Variants in PCSK7 observed in about 807,000 individuals in gnomAD.
The protein encoded by PCSK7 is lymphoma proprotein convertase.
In PCSK7, 38 loss-of-function variants were observed where a neutral mutation model predicts 73.3. The ratio of observed to expected loss-of-function variants is 0.52; its 90% CI spans 0.40 to 0.68. The LOEUF (loss-of-function observed/expected upper bound fraction) is 0.68. Ranked by LOEUF, PCSK7 falls within the 30% of genes least tolerant of loss-of-function variation. The pLI is 0.00. For missense variants in PCSK7, 692 were observed against 991.5 expected (o/e 0.70, Z 4.06); for synonymous variants, 296 against 383.8 (o/e 0.77, Z 2.68).
Position 117,229,473 on chromosome 11 carries a change from A to T in PCSK7, c.372T>A (p.His124Gln). The T allele has an allele frequency of 6.2e-7, 1 of 1,611,786 alleles. No individual in the cohort carries two copies. Among genetic ancestry groups the T allele is most frequent in the Non-Finnish European group, 8.5e-7 (1 of 1,180,016 alleles). Residue 124 changes from histidine (H) to glutamine (Q), a missense_variant, in exon 3 of 17, where the codon CAT becomes CAA. His to Gln is a conservative substitution (Grantham distance 24, BLOSUM62 0). Transcript: ENST00000320934. ...RQQVEAVLAG[H>Q]EAVRWHSEQR... ...GCTCTGAGTGCCAGCGCACAGCTTC[A>T]TGCCCAGCCAACACAGCCTCCACCT...
At chr11:117,228,612 CTTTT>C (rs751494008) in intron 3 of PCSK7, among the ~76,000 whole-genome samples, 1 of 132,084 alleles carries the variant, frequency 7.6e-6, no homozygotes. Flanking sequence ...TGATACACTT[CTTTT>C]TTTTTTTTTT....
chr11:117,208,544 C>T (rs34511967), intron 13 of PCSK7: 36,413 of 274,150 alleles, frequency 0.13, 27 homozygotes, highest in Middle Eastern at 0.18. Flanking sequence ...GAGACAGGGT[C>T]TCACTTTGTT....
intron 3 of PCSK7, among the ~76,000 whole-genome samples, chr11:117,228,615 T>C (rs1488570179): frequency 4.2e-5 from 6 of 143,592 alleles, no homozygotes; most frequent in Non-Finnish European, 9.0e-5. Context: ...TACACTTCTT[T>C]TTTTTTTTTT....
At chr11:117,228,618 T>TC (rs1275718305) in intron 3 of PCSK7, among the ~76,000 whole-genome samples, 1 of 150,244 alleles carries the variant, frequency 6.7e-6, no homozygotes, top group Non-Finnish European at 1.5e-5. Context: ...ACTTCTTTTT[T>TC]TTTTTTTTTT....
At chr11:117,228,026 GTTC>G (rs2032498158) in intron 4 of PCSK7, among the ~76,000 whole-genome samples, 187 bp downstream of exon 4, 1 of 152,208 alleles carries the variant, frequency 6.6e-6, no homozygotes, top group Admixed American at 6.5e-5. Flanking sequence ...GAGCAGGATT[GTTC>G]TTAGAGTTAG....
rs972372617 is a variant in PCSK7, at chr11:117,218,910, C to G, written c.1431+147G>C. The G allele has an allele frequency of 1.0e-5, 6 of 599,990 alleles. No homozygotes were observed. The Admixed American group carries it at 1.5e-4, about 15-fold the overall frequency. The allele number at this position is 599,990 out of a possible 1,614,324, so 37.2% of individuals were successfully genotyped here. ...GCTTTCTCATTTGTAAAATGGATAT[C>G]AGCTGGGATGAAGGTTGAAGTTGTT... On this transcript the variant is annotated intron_variant, in intron 11 of 16. Coordinates refer to ENST00000320934, the MANE Select transcript of PCSK7 (RefSeq NM_004716.4). The surrounding 1 kb of genome is among the most constrained non-coding windows in gnomAD (Gnocchi z 4.0).
Position 117,222,125 on chromosome 11 carries a change from A to C in PCSK7, c.1155+1083T>G, listed in dbSNP as rs554440316. 7 of 152,260 alleles carry C rather than the reference A, an allele frequency of 4.6e-5. No homozygotes were observed. In the South Asian group the frequency reaches 1.5e-3, roughly 32 times the overall value. The allele number at this position is 152,260 out of a possible 1,614,324, so 9.4% of individuals were successfully genotyped here. A position where few individuals can be genotyped will look rare whatever the true frequency, so the allele number is the denominator to read the frequency against. ...TCAGCCACTGGAGAAATTTGATACC[A>C]CCTGGCTCCAGCCCAGCTCCTGCCT... On this transcript the variant is annotated intron_variant, in intron 9 of 16. Coordinates refer to ENST00000320934, the MANE Select transcript of PCSK7 (RefSeq NM_004716.4).
chr11:117,224,571 A>T, intron 7 of PCSK7, 130 bp downstream of exon 7: 1 of 798,122 alleles, frequency 1.3e-6, no homozygotes, highest in Non-Finnish European at 2.2e-6. Context: ...CCCCGACGTT[A>T]GGTGTTCTCT....
intron 8 of PCSK7, chr11:117,223,851 G>C: frequency 1.8e-6 from 1 of 546,764 alleles, no homozygotes; most frequent in Non-Finnish European, 3.3e-6. Flanking sequence ...GCTGTGGTGG[G>C]GTGGAGGCAG....
intron 3 of PCSK7, 139 bp from the exon 4 acceptor site, chr11:117,228,489 A>G: frequency 1.4e-6 from 1 of 703,190 alleles, no homozygotes; most frequent in Admixed American, 2.2e-5. Context: ...TCAGGTGGGA[A>G]CAGAGTCAAG....
intron 9 of PCSK7, chr11:117,220,070 G>A (rs1289436070): frequency 4.9e-6 from 1 of 206,086 alleles, no homozygotes; most frequent in Non-Finnish European, 9.6e-6. Context: ...CTGAATCTTT[G>A]ACCAGAGAAG....
chr11:117,225,055 C>CTTTTTTT lies in PCSK7; in HGVS notation c.861-307_861-301dup, dbSNP rs571538440. On this transcript the variant is annotated intron_variant, in intron 6 of 16. Transcript: ENST00000320934. ...ATCTAGGGATCAGAGACATGTAGAC[C>CTTTTTTT]TTTTTTTTTTTTTTTTTTTCTCCTG... 1.0e-3 allele frequency: 139 copies of CTTTTTTT among 134,330 alleles called. 1 individual carries two copies. Among genetic ancestry groups the CTTTTTTT allele is most frequent in the Admixed American group, 1.8e-3 (22 of 12,238 alleles). The allele number at this position is 134,330 out of a possible 1,614,324, so 8.3% of individuals were successfully genotyped here.
At chr11:117,216,722 C>T (rs1338882008) in intron 12 of PCSK7, 1 of 152,050 alleles carries the variant, frequency 6.6e-6, no homozygotes, top group Non-Finnish European at 1.5e-5. Context: ...AGCCAGGGCA[C>T]CTGGCTCAAC....
In PCSK7 at chr11:117,218,526, C is replaced by CG; in HGVS notation, c.1473dup (p.Val492ArgfsTer80). 6.2e-7 allele frequency: 1 copy of CG among 1,610,142 alleles called. No homozygotes were observed. The highest frequency in any genetic ancestry group is 8.5e-7 in the Non-Finnish European group (1 of 1,178,062). On this transcript the variant is annotated frameshift_variant, in exon 12 of 17. Coordinates refer to ENST00000320934, the MANE Select transcript of PCSK7 (RefSeq NM_004716.4). LOFTEE classifies it high-confidence loss of function. This position sits in a 1 kb window ranked among gnomAD's most constrained non-coding sequence, Gnocchi z 4.0. The stretch of plus-strand genomic sequence containing the variant: ...GGAATCGCCTTGTTTTCTTTTAACA[C>CG]GGGACTGACGTAGGATGCTAAGTAA...
intron 9 of PCSK7, chr11:117,221,805 G>T (rs1447331728): frequency 6.6e-6 from 1 of 152,288 alleles, no homozygotes; most frequent in Non-Finnish European, 1.5e-5. Flanking sequence ...CTGCTAGAGG[G>T]TGGAGTTTGG....
At chr11:117,223,986 A>G in intron 8 of PCSK7, 92 bp downstream of exon 8, 1 of 1,320,168 alleles carries the variant, frequency 7.6e-7, no homozygotes, top group Non-Finnish European at 1.1e-6. Flanking sequence ...GTGCTCACAC[A>G]TTTAGACACA....
intron 9 of PCSK7, chr11:117,220,232 T>G (rs1459632579): frequency 6.6e-6 from 1 of 152,380 alleles, no homozygotes; most frequent in Non-Finnish European, 1.5e-5. Flanking sequence ...TCCCATCCAG[T>G]GCAGATAAGG....
At chr11:117,219,281 C>T (rs917465404) in intron 10 of PCSK7, 117 bp from the exon 11 acceptor site, 2 of 753,722 alleles carry the variant, frequency 2.7e-6, no homozygotes, top group African/African-American at 3.5e-5. Flanking sequence ...CCCACTATGG[C>T]TACTGGGAAT....
In PCSK7 at chr11:117,218,924, G is replaced by C; in HGVS notation, c.1431+133C>G. The stretch of plus-strand genomic sequence containing the variant: ...AAAATGGATATCAGCTGGGATGAAG[G>C]TTGAAGTTGTTAAATCAATGAACTG... On this transcript the variant is annotated intron_variant, in intron 11 of 16. Coordinates refer to ENST00000320934, the MANE Select transcript of PCSK7 (RefSeq NM_004716.4). The surrounding 1 kb of genome is among the most constrained non-coding windows in gnomAD (Gnocchi z 4.0). 3.3e-6 allele frequency: 2 copies of C among 610,938 alleles called. No individual in the cohort carries two copies. Among genetic ancestry groups the C allele is most frequent in the East Asian group, 5.5e-5 (2 of 36,092 alleles). The allele number at this position is 610,938 out of a possible 1,614,324, so 37.8% of individuals were successfully genotyped here. A position where few individuals can be genotyped will look rare whatever the true frequency, so the allele number is the denominator to read the frequency against.
Sources: gnomAD v4.1 joint callset for allele counts (sites outside exome capture counted in the v4.1 genomes callset) on GRCh38, gnomAD v4.1.1 for gene constraint, Gnocchi (gnomAD v3.1) non-coding constraint, MANE v1.5 for transcripts, NCBI Gene and HGNC (gene_info 2026-07-23, HGNC 2026-07-21) for gene names.